The following TRAPPC9 variants were observed in gnomAD, a reference collection of about 807,000 sequenced individuals.
TRAPPC9 encodes trafficking protein particle complex subunit 9.
A neutral mutation model predicts 124.0 loss-of-function variants in TRAPPC9; 83 were observed. The ratio of observed to expected loss-of-function variants is 0.67; its 90% CI spans 0.56 to 0.80. TRAPPC9 has a LOEUF of 0.80. TRAPPC9 is among the 30% of genes least tolerant of loss of function. TRAPPC9 has a pLI of 0.00. For missense variants in TRAPPC9, 1,302 were observed against 1,508.3 expected (o/e 0.86, Z 2.27); for synonymous variants, 638 against 617.5 (o/e 1.03, Z -0.49).
chr8:140,370,301 A>G (rs2068244574), intron 8 of TRAPPC9, among the ~76,000 whole-genome samples: 1 of 151,940 alleles, frequency 6.6e-6, no homozygotes, highest in Non-Finnish European at 1.5e-5. Context: ...CACCATGCCC[A>G]GCTAATTTTT....
intron 4 of TRAPPC9, among the ~76,000 whole-genome samples, chr8:140,434,084 C>T (rs1395055408): frequency 6.6e-6 from 1 of 152,248 alleles, no homozygotes; most frequent in African/African-American, 2.4e-5. Context: ...CAGGCTACCA[C>T]TTCATTTACA....
At chr8:140,403,896 A>T (rs1219368276) in intron 6 of TRAPPC9, among the ~76,000 whole-genome samples, 3 of 151,926 alleles carry the variant, frequency 2.0e-5, no homozygotes, top group African/African-American at 7.3e-5. Context: ...GAGCTCAGGC[A>T]ATCTGCCTAT....
At chr8:140,410,173 G>GAGAGGAA (rs1564005611) in intron 5 of TRAPPC9, among the ~76,000 whole-genome samples, 1 of 147,682 alleles carries the variant, frequency 6.8e-6, no homozygotes, top group African/African-American at 2.5e-5. Context: ...AAAAAAATAG[G>GAGAGGAA]AGAGGAAGTG....
chr8:139,803,691 A>G (rs1823726136), intron 21 of TRAPPC9, among the ~76,000 whole-genome samples: 1 of 152,174 alleles, frequency 6.6e-6, no homozygotes, highest in African/African-American at 2.4e-5. Flanking sequence ...GAGAACTTCA[A>G]ACCCATTTTT....
At chr8:139,787,239 T>C (rs534807266) in intron 21 of TRAPPC9, among the ~76,000 whole-genome samples, 4 of 151,804 alleles carry the variant, frequency 2.6e-5, no homozygotes, top group African/African-American at 9.7e-5. Flanking sequence ...GATTTGAATT[T>C]GAGGAGGAAA....
intron 21 of TRAPPC9, among the ~76,000 whole-genome samples, chr8:139,800,529 G>A (rs1003365635): frequency 2.6e-5 from 4 of 152,222 alleles, no homozygotes; most frequent in African/African-American, 9.6e-5. Context: ...GAGATGTGCA[G>A]CTCCCAGAAA....
chr8:140,073,443 G>A (rs970953517), intron 17 of TRAPPC9, among the ~76,000 whole-genome samples: 2 of 152,150 alleles, frequency 1.3e-5, no homozygotes, highest in Non-Finnish European at 2.9e-5. Context: ...CAAAGAAGCA[G>A]GACAGAAGAG....
chr8:139,935,719 C>T (rs1412107743), intron 19 of TRAPPC9, among the ~76,000 whole-genome samples: 2 of 145,900 alleles, frequency 1.4e-5, no homozygotes, highest in South Asian at 2.1e-4. Context: ...ACTTATTTGC[C>T]GTATGAACTC....
chr8:140,063,203 G>A lies in TRAPPC9; in HGVS notation c.2557-39124C>T, dbSNP rs1010626236. Among the ~76,000 whole-genome samples the A allele has an allele frequency of 3.9e-5, 6 of 152,276 alleles. No homozygotes were observed. The highest frequency in any genetic ancestry group is 6.5e-5 in the Admixed American group (1 of 15,304). On this transcript the variant is annotated intron_variant, in intron 17 of 22. Coordinates refer to ENST00000438773, the MANE Select transcript of TRAPPC9 (RefSeq NM_001160372.4). This position sits in a 1 kb window ranked among gnomAD's most constrained non-coding sequence, Gnocchi z 4.3. ...CCTGGTCTCTCCCTTGATACATGGGGCTTATGGAGATTATAATTTACAGTG... is the reference window on the plus strand; with the variant it reads ...CCTGGTCTCTCCCTTGATACATGGGACTTATGGAGATTATAATTTACAGTG...
chr8:140,051,584 T>TG (rs1563723739), intron 17 of TRAPPC9, among the ~76,000 whole-genome samples: 1 of 149,848 alleles, frequency 6.7e-6, no homozygotes, highest in African/African-American at 2.5e-5. Context: ...TTCTTTTTTT[T>TG]TTTTTTTTTT....
intron 19 of TRAPPC9, among the ~76,000 whole-genome samples, chr8:139,956,427 C>T (rs1322494295): frequency 6.6e-6 from 1 of 152,186 alleles, no homozygotes; most frequent in African/African-American, 2.4e-5. Flanking sequence ...TCCCAAAGTG[C>T]TGGGATTACA....
At chr8:140,282,133 C>T (rs2065342693) in intron 14 of TRAPPC9, among the ~76,000 whole-genome samples, 1 of 152,194 alleles carries the variant, frequency 6.6e-6, no homozygotes, top group Admixed American at 6.5e-5. Flanking sequence ...GCTTTAAAAA[C>T]ATTTCAGAAA....
intron 11 of TRAPPC9, 21 bp downstream of exon 11, chr8:140,300,448 A>C: frequency 6.2e-7 from 1 of 1,614,044 alleles, no homozygotes; most frequent in Non-Finnish European, 8.5e-7. Context: ...CACGGTGGGA[A>C]AGCCAGGATC....
At chr8:140,299,498 C>T (rs1232444060) in intron 11 of TRAPPC9, among the ~76,000 whole-genome samples, 1 of 152,258 alleles carries the variant, frequency 6.6e-6, no homozygotes. Context: ...GGATATCAAA[C>T]ACAGAGCGCC....
intron 7 of TRAPPC9, among the ~76,000 whole-genome samples, chr8:140,389,840 AC>A (rs1157801550): frequency 2.7e-5 from 4 of 148,316 alleles, no homozygotes; most frequent in Non-Finnish European, 4.4e-5. Flanking sequence ...AACAACAATA[AC>A]CAAAAAAAAA....
At chr8:140,176,647 C>T (rs1018827268) in intron 17 of TRAPPC9, among the ~76,000 whole-genome samples, 4 of 152,160 alleles carry the variant, frequency 2.6e-5, no homozygotes, top group East Asian at 3.8e-4. Flanking sequence ...TGAGTGAATC[C>T]GTGTTTTCAT....
chr8:140,417,175 T>C (rs906654358), intron 5 of TRAPPC9, among the ~76,000 whole-genome samples: 3 of 151,972 alleles, frequency 2.0e-5, no homozygotes, highest in African/African-American at 7.2e-5. Flanking sequence ...ACTTCATAAC[T>C]AAAACAGCAG....
At chr8:140,356,766 C>T (rs899835723) in intron 9 of TRAPPC9, among the ~76,000 whole-genome samples, 13 of 151,988 alleles carry the variant, frequency 8.6e-5, no homozygotes, top group Admixed American at 7.9e-4. Context: ...TGCACCACCT[C>T]GCCCGGTTAA....
chr8:140,215,492 A>G (rs2063169763), intron 17 of TRAPPC9, among the ~76,000 whole-genome samples: 1 of 151,942 alleles, frequency 6.6e-6, no homozygotes, highest in African/African-American at 2.4e-5. Flanking sequence ...AAATACAAAA[A>G]AAAATGAGCT....
Sources: gnomAD v4.1 joint callset for allele counts (sites outside exome capture counted in the v4.1 genomes callset) on GRCh38, gnomAD v4.1.1 for gene constraint, Gnocchi (gnomAD v3.1) non-coding constraint, MANE v1.5 for transcripts, NCBI Gene and HGNC (gene_info 2026-07-23, HGNC 2026-07-21) for gene names.